The following TOX variants were observed in gnomAD, a reference collection of about 807,000 sequenced individuals.
TOX encodes thymocyte selection associated high mobility group box.
A neutral mutation model predicts 53.7 loss-of-function variants in TOX; 11 were observed. The observed-to-expected ratio is 0.20, with a 90% CI of 0.13 to 0.34. The LOEUF is 0.34. Among genes scored for constraint, TOX ranks in the 10% least tolerant of loss-of-function variants. The pLI is 1.00. For synonymous variants in TOX, 225 were observed against 245.3 expected (o/e 0.92, Z 0.77); for missense variants, 570 against 664.6 (o/e 0.86, Z 1.56).
Position 59,119,008 on chromosome 8 carries a change from C to A in TOX, c.-21G>T. The stretch of plus-strand genomic sequence containing the variant: ...TCCATTTCACTCTCACATCAAGCAA[C>A]TCCTTTTCTTTTTCCTTTTTTAAAA... On this transcript the variant is annotated 5_prime_UTR_variant, in exon 1 of 9. Transcript: ENST00000361421. The A allele has an allele frequency of 6.5e-7, 1 of 1,539,850 alleles. No homozygotes were observed. Among genetic ancestry groups the A allele is most frequent in the Non-Finnish European group, 8.9e-7 (1 of 1,118,716 alleles).
At chr8:58,934,143 T>C (rs1291749708) in intron 3 of TOX, among the ~76,000 whole-genome samples, 1 of 152,210 alleles carries the variant, frequency 6.6e-6, no homozygotes, top group Admixed American at 6.5e-5. Context: ...TGGCACTTAT[T>C]TGACAGTTAC....
At chr8:59,026,071 C>T (rs375445750) in intron 1 of TOX, among the ~76,000 whole-genome samples, 78 of 152,162 alleles carry the variant, frequency 5.1e-4, no homozygotes, top group African/African-American at 1.6e-3. Context: ...GCTCTATCTG[C>T]GCTCATTCAA....
chr8:59,020,604 CT>C (rs1367151019), intron 1 of TOX, among the ~76,000 whole-genome samples: 1 of 152,088 alleles, frequency 6.6e-6, no homozygotes, highest in African/African-American at 2.4e-5. Context: ...CTTACAATTT[CT>C]TTTTAAGTGT....
At chr8:58,949,896 G>T (rs78987135) in intron 2 of TOX, among the ~76,000 whole-genome samples, 3 of 119,242 alleles carry the variant, frequency 2.5e-5, no homozygotes, top group Non-Finnish European at 3.6e-5. Context: ...CATGTGTATA[G>T]TTCATATACA....
At chr8:59,025,418 C>T (rs574077284) in intron 1 of TOX, among the ~76,000 whole-genome samples, 99 of 152,232 alleles carry the variant, frequency 6.5e-4, no homozygotes, top group African/African-American at 2.2e-3. Flanking sequence ...CCACCCTCCA[C>T]GGAGGCTCAC....
intron 1 of TOX, among the ~76,000 whole-genome samples, chr8:58,994,242 G>A (rs750620845): frequency 1.3e-5 from 2 of 152,156 alleles, no homozygotes; most frequent in African/African-American, 2.4e-5. Context: ...TCAGAGAAAT[G>A]ATCACTGAGT....
At chr8:58,913,226 G>T (rs936291183) in intron 3 of TOX, among the ~76,000 whole-genome samples, 4 of 152,178 alleles carry the variant, frequency 2.6e-5, no homozygotes, top group African/African-American at 9.7e-5. Context: ...TGATGTGGGA[G>T]GATCACTTGA....
chr8:59,085,012 A>C (rs541867086), intron 1 of TOX, among the ~76,000 whole-genome samples: 1 of 152,354 alleles, frequency 6.6e-6, no homozygotes, highest in African/African-American at 2.4e-5. Flanking sequence ...AATCATGCCA[A>C]ATAATAAGAG....
At chr8:58,998,568 A>AATTTATATATAATAAATCTAT (rs1554537374) in intron 1 of TOX, among the ~76,000 whole-genome samples, 1 of 87,084 alleles carries the variant, frequency 1.1e-5, no homozygotes, top group Non-Finnish European at 2.2e-5. Flanking sequence ...TTATGTAATA[A>AATTTATATATAATAAATCTAT]ATGTATATAT....
At chr8:59,038,140 A>G (rs1470080265) in intron 1 of TOX, among the ~76,000 whole-genome samples, 2 of 152,226 alleles carry the variant, frequency 1.3e-5, no homozygotes, top group Non-Finnish European at 2.9e-5. Context: ...TGCCATAGTT[A>G]AAATGGTAAA....
intron 3 of TOX, among the ~76,000 whole-genome samples, chr8:58,930,322 A>G (rs1316669568): frequency 6.6e-6 from 1 of 152,220 alleles, no homozygotes; most frequent in African/African-American, 2.4e-5. Flanking sequence ...AGCTCCTACT[A>G]TGGGCTGTAC....
At chr8:58,954,634 GA>G (rs1212241815) in intron 2 of TOX, among the ~76,000 whole-genome samples, 1 of 152,198 alleles carries the variant, frequency 6.6e-6, no homozygotes, top group Non-Finnish European at 1.5e-5. Context: ...GGAAATGAGA[GA>G]AGGTAAGATG....
intron 3 of TOX, among the ~76,000 whole-genome samples, chr8:58,882,655 G>A (rs1237111206): frequency 6.6e-6 from 1 of 152,080 alleles, no homozygotes; most frequent in Non-Finnish European, 1.5e-5. Flanking sequence ...ATGTTAAAAA[G>A]GTAAGTTCAA....
chr8:58,846,400 C>T (rs1810719920), intron 4 of TOX, among the ~76,000 whole-genome samples: 1 of 152,062 alleles, frequency 6.6e-6, no homozygotes, highest in Non-Finnish European at 1.5e-5. Flanking sequence ...TGTCCCATTG[C>T]TAGTTAGATA....
intron 4 of TOX, among the ~76,000 whole-genome samples, chr8:58,850,477 G>A (rs780506692): frequency 1.3e-5 from 2 of 152,226 alleles, no homozygotes; most frequent in Non-Finnish European, 2.9e-5. Flanking sequence ...GGGCTGTAAG[G>A]AGTGATCCCT....
In TOX at chr8:59,118,717, T is replaced by C. The variant is rs1201367350; in HGVS notation, c.102+169A>G. On this transcript the variant is annotated intron_variant, in intron 1 of 8. Coordinates refer to ENST00000361421, the MANE Select transcript of TOX (RefSeq NM_014729.3). The surrounding 1 kb of genome is among the most constrained non-coding windows in gnomAD (Gnocchi z 4.1). The stretch of plus-strand genomic sequence containing the variant: ...GCGGTGTTTGGCAAGCCCCCGGAGC[T>C]ACTCCACAATATTTACTACCCAAGC... Among the ~76,000 whole-genome samples, 1 of 152,122 alleles carries C rather than the reference T, an allele frequency of 6.6e-6. No homozygotes were observed. The highest frequency in any genetic ancestry group is 1.5e-5 in the Non-Finnish European group (1 of 68,008).
chr8:59,039,644 T>C (rs1803540638), intron 1 of TOX, among the ~76,000 whole-genome samples: 1 of 152,210 alleles, frequency 6.6e-6, no homozygotes, highest in Non-Finnish European at 1.5e-5. Context: ...TTTTTTCTCA[T>C]TACTCTCTTA....
chr8:58,879,983 C>A (rs1243018698), intron 3 of TOX, among the ~76,000 whole-genome samples: 1 of 152,108 alleles, frequency 6.6e-6, no homozygotes, highest in African/African-American at 2.4e-5. Flanking sequence ...GTTTTATTAT[C>A]TTTACTGTCT....
chr8:59,026,685 T>C (rs565388494), intron 1 of TOX, among the ~76,000 whole-genome samples: 7 of 152,272 alleles, frequency 4.6e-5, no homozygotes, highest in Non-Finnish European at 1.0e-4. Flanking sequence ...TCAGGTACCA[T>C]GTACTGCACA....
Sources: allele counts gnomAD v4.1 joint callset (sites outside exome capture counted in the v4.1 genomes callset), GRCh38; gene constraint gnomAD v4.1.1; non-coding constraint Gnocchi (gnomAD v3.1); transcripts MANE v1.5; gene names NCBI Gene and HGNC (gene_info 2026-07-23, HGNC 2026-07-21).